Variants in GLIS3 observed in about 807,000 individuals in gnomAD.
GLIS3 encodes the protein zinc finger protein GLIS3.
In GLIS3, 53 loss-of-function variants were observed where a neutral mutation model predicts 78.6. That is an observed-to-expected ratio of 0.67 (90% confidence interval 0.54 to 0.85). The LOEUF (loss-of-function observed/expected upper bound fraction) is 0.85. Ranked by LOEUF, GLIS3 falls within the 40% of genes least tolerant of loss-of-function variation. The probability of loss-of-function intolerance (pLI) is 0.00; values close to 1 mark genes in which losing one functional copy is unlikely to be tolerated. For missense variants in GLIS3, 1,703 were observed against 1,231.1 expected, an observed-to-expected ratio of 1.38 and a Z score of -5.74; for synonymous variants, 684 against 509.9, an observed-to-expected ratio of 1.34 and a Z score of -4.60.
At position 3,909,625 on chromosome 9, in the gene GLIS3, G is replaced by C. The variant is rs138253954; in HGVS notation, c.1984-10790C>G. Among the ~76,000 whole-genome samples, 20 of 152,300 alleles carry C rather than the reference G, an allele frequency of 1.3e-4. No individual in the cohort carries two copies. In the East Asian group the frequency reaches 3.9e-3, roughly 29 times the overall value. On this transcript the variant is annotated intron_variant, in intron 6 of 10. Coordinates refer to ENST00000381971, the MANE Select transcript of GLIS3 (RefSeq NM_001042413.2). The stretch of plus-strand genomic sequence containing the variant: ...TGAGCACTCCAAAATACGTGAATGG[G>C]TACACATGCTGGGGTATAGCTCAAT...
chr9:4,397,219 G>T, the GLIS3 span, among the ~76,000 whole-genome samples: 1 of 142,174 alleles, frequency 7.0e-6, no homozygotes, highest in Admixed American at 7.0e-5. Context: ...TAGAGACGGG[G>T]TTTCACCGTT....
chr9:3,879,401 TAGG>T, intron 8 of GLIS3, 23 bp downstream of exon 8: 6 of 1,612,078 alleles, frequency 3.7e-6, no homozygotes, highest in Non-Finnish European at 5.1e-6. Flanking sequence ...CGACACCTAT[TAGG>T]AGAGAGAGAC....
At chr9:3,920,598 T>G (rs1048446916) in intron 6 of GLIS3, among the ~76,000 whole-genome samples, 1 of 137,948 alleles carries the variant, frequency 7.2e-6, no homozygotes, top group Non-Finnish European at 1.5e-5. Flanking sequence ...TTTTTGAATA[T>G]AAAAGAACAG....
rs546756241 is a variant in GLIS3, at chr9:3,871,069, G to A, written c.2297+8358C>T. On this transcript the variant is annotated intron_variant, in intron 8 of 10. Transcript: ENST00000381971. ...ATTGGCCAAAACAGAGGGGCTACAC[G>A]GCACATGCAATTTCAAAATCCAGTT... Among the ~76,000 whole-genome samples the A allele has an allele frequency of 6.6e-5, 10 of 152,278 alleles. 1 individual carries two copies. In the East Asian group the frequency reaches 1.7e-3, roughly 26 times the overall value.
chr9:4,353,420 A>G, the GLIS3 span, among the ~76,000 whole-genome samples: 3 of 152,256 alleles, frequency 2.0e-5, no homozygotes, highest in East Asian at 5.8e-4. Context: ...GAGCAGCAAA[A>G]CTACTCAAGT....
At chr9:4,398,031 C>G in the GLIS3 span, among the ~76,000 whole-genome samples, 1 of 152,134 alleles carries the variant, frequency 6.6e-6, no homozygotes. Context: ...GATGCAGAGA[C>G]AAAAAGACCT....
chr9:4,001,935 C>T (rs1469930719), intron 4 of GLIS3, among the ~76,000 whole-genome samples: 3 of 152,188 alleles, frequency 2.0e-5, no homozygotes, highest in Admixed American at 1.3e-4. Flanking sequence ...GGGTGGTTCT[C>T]ACTAGTCCCA....
chr9:4,285,504 G>C (rs893942916), intron 2 of GLIS3: 1 of 152,112 alleles, frequency 6.6e-6, no homozygotes, highest in Non-Finnish European at 1.5e-5. Flanking sequence ...AAAAATTACA[G>C]GCTTTGCTCT....
chr9:3,899,707 G>C (rs901673626), intron 6 of GLIS3, among the ~76,000 whole-genome samples: 1 of 152,142 alleles, frequency 6.6e-6, no homozygotes, highest in Non-Finnish European at 1.5e-5. Context: ...TAAACCTTTA[G>C]ATATAGAGCT....
chr9:4,193,993 T>C (rs1818565500), intron 2 of GLIS3, among the ~76,000 whole-genome samples: 1 of 152,250 alleles, frequency 6.6e-6, no homozygotes, highest in South Asian at 2.1e-4. Flanking sequence ...ACAATGTTTA[T>C]GTAATTTTGT....
At position 4,226,698 on chromosome 9, in the gene GLIS3, G is replaced by A. The variant is rs377180732; in HGVS notation, c.388+59340C>T. ...CCTTAGCTGGCTACTCCTTATCTGT[G>A]TGACCTTAGGCAAGTTACTTAATTC... On this transcript the variant is annotated intron_variant, in intron 2 of 10. Coordinates refer to ENST00000381971, the MANE Select transcript of GLIS3 (RefSeq NM_001042413.2). Among the ~76,000 whole-genome samples the A allele has an allele frequency of 4.4e-4, 67 of 152,322 alleles. No individual in the cohort carries two copies. In the South Asian group the frequency reaches 0.014, roughly 31 times the overall value.
the GLIS3 span, among the ~76,000 whole-genome samples, chr9:4,371,320 C>T: frequency 2.0e-5 from 3 of 152,108 alleles, no homozygotes; most frequent in Non-Finnish European, 2.9e-5. Context: ...CTGAGTCAGT[C>T]CCTCTTATGG....
At chr9:4,259,384 C>T (rs1302604637) in intron 2 of GLIS3, among the ~76,000 whole-genome samples, 1 of 152,050 alleles carries the variant, frequency 6.6e-6, no homozygotes, top group African/African-American at 2.4e-5. Context: ...AAAACAGATC[C>T]TCCCCATGAA....
chr9:3,879,954 G>C (rs922397577), intron 7 of GLIS3, among the ~76,000 whole-genome samples: 2 of 152,076 alleles, frequency 1.3e-5, no homozygotes, highest in Non-Finnish European at 2.9e-5. Flanking sequence ...TGAGAGTCAG[G>C]TAACAGAATA....
At chr9:4,251,406 T>A (rs1301340641) in intron 2 of GLIS3, among the ~76,000 whole-genome samples, 1 of 151,270 alleles carries the variant, frequency 6.6e-6, no homozygotes, top group Non-Finnish European at 1.5e-5. Context: ...AAAGTCTGTT[T>A]TATTAGAGAC....
intron 2 of GLIS3, among the ~76,000 whole-genome samples, chr9:4,170,022 C>T (rs750616113): frequency 6.6e-6 from 1 of 152,124 alleles, no homozygotes; most frequent in Admixed American, 6.5e-5. Flanking sequence ...CGGCCCAAAC[C>T]GTCTCTGATT....
chr9:4,416,444 AG>A, the GLIS3 span, among the ~76,000 whole-genome samples: 1 of 152,090 alleles, frequency 6.6e-6, no homozygotes, highest in Non-Finnish European at 1.5e-5. Flanking sequence ...ATAAAACGTT[AG>A]GAATATTGAC....
chr9:3,999,186 T>A (rs1451828936), intron 4 of GLIS3, among the ~76,000 whole-genome samples: 2 of 152,176 alleles, frequency 1.3e-5, no homozygotes, highest in Non-Finnish European at 2.9e-5. Flanking sequence ...ATCTCTATAG[T>A]CGCAGATTTG....
At chr9:4,289,395 C>T (rs545927834) in intron 1 of GLIS3, among the ~76,000 whole-genome samples, 1 of 152,278 alleles carries the variant, frequency 6.6e-6, no homozygotes, top group South Asian at 2.1e-4. Context: ...TTCTCTACCA[C>T]CCCCATCAAA....
Sources: allele counts gnomAD v4.1 joint callset (sites outside exome capture counted in the v4.1 genomes callset), GRCh38; gene constraint gnomAD v4.1.1; transcripts MANE v1.5; gene names NCBI Gene and HGNC (gene_info 2026-07-23, HGNC 2026-07-21).